ATXN8OS: variants seen among roughly 807,000 people sequenced by gnomAD.
ATXN8OS encodes the protein ATXN8 opposite strand (non-protein coding).
chr13:70,135,356 A>G (rs987121376), intron 3 of ATXN8OS, among the ~76,000 whole-genome samples: 2 of 151,766 alleles, frequency 1.3e-5, no homozygotes, highest in South Asian at 4.2e-4. Context: ...TCCTTATCCT[A>G]TTTCATTGAC....
chr13:70,160,670 G>A lies in ATXN8OS; in HGVS notation n.574-9083G>A, dbSNP rs1360277341. ...GTTTATACAAAACAAAATATTCTTG[G>A]TAGAGATGCCCCAGACAGCTGATTT... is the stretch of plus-strand genomic sequence containing the variant. On this transcript the variant is annotated intron_variant and non_coding_transcript_variant, in intron 4 of 4. Transcript: ENST00000678624. Among the ~76,000 whole-genome samples the A allele has an allele frequency of 1.7e-3, 24 of 14,274 alleles. 10 individuals are homozygous for A. Among genetic ancestry groups the A allele is most frequent in the Admixed American group, 0.011 (9 of 812 alleles). 9.4% of individuals were successfully genotyped at this position (14,274 alleles called of 152,430 possible). A position where few individuals can be genotyped will look rare whatever the true frequency, so the allele number is the denominator to read the frequency against.
intron 4 of ATXN8OS, among the ~76,000 whole-genome samples, chr13:70,153,459 T>C (rs932948225): frequency 6.6e-6 from 1 of 151,978 alleles, no homozygotes; most frequent in South Asian, 2.1e-4. Context: ...CCTGTGATCC[T>C]AGTTATTCAG....
chr13:70,155,320 A>G (rs1025494811), intron 4 of ATXN8OS, among the ~76,000 whole-genome samples: 2 of 152,114 alleles, frequency 1.3e-5, no homozygotes, highest in African/African-American at 4.8e-5. Flanking sequence ...ACCTGTAGCC[A>G]TTTTTTAAGG....
intron 2 of ATXN8OS, among the ~76,000 whole-genome samples, chr13:70,123,145 A>G (rs2088154335): frequency 6.6e-6 from 1 of 152,130 alleles, no homozygotes; most frequent in South Asian, 2.1e-4. Context: ...TAATAAGTAA[A>G]TTGCAAAACT....
intron 4 of ATXN8OS, among the ~76,000 whole-genome samples, chr13:70,164,789 TA>T (rs1889059727): frequency 6.6e-6 from 1 of 152,048 alleles, no homozygotes; most frequent in Non-Finnish European, 1.5e-5. Flanking sequence ...CTTCTGGCCT[TA>T]CCTCCTCACT....
At chr13:70,107,879 G>C (rs935425832) in exon 1 of ATXN8OS, 1 of 548,054 alleles carries the variant, frequency 1.8e-6, no homozygotes, top group Non-Finnish European at 3.1e-6. Flanking sequence ...GAGCGCAGAC[G>C]GCAAAGCCGC....
intron 4 of ATXN8OS, among the ~76,000 whole-genome samples, chr13:70,169,106 T>C (rs1030687936): frequency 6.6e-6 from 1 of 152,142 alleles, no homozygotes; most frequent in Non-Finnish European, 1.5e-5. Context: ...GATTATCATA[T>C]ACATAAGATA....
chr13:70,120,751 ATGAGT>A (rs1204621045), intron 2 of ATXN8OS, among the ~76,000 whole-genome samples: 1 of 152,142 alleles, frequency 6.6e-6, no homozygotes, highest in Non-Finnish European at 1.5e-5. Flanking sequence ...ATAAAAAATG[ATGAGT>A]TCATGTCCTT....
chr13:70,108,823 T>C (rs1888149798), intron 1 of ATXN8OS, among the ~76,000 whole-genome samples: 1 of 152,184 alleles, frequency 6.6e-6, no homozygotes, highest in African/African-American at 2.4e-5. Flanking sequence ...AGTTTCTCTG[T>C]AGTGAGACAC....
At chr13:70,157,617 T>C (rs1888954142) in intron 4 of ATXN8OS, among the ~76,000 whole-genome samples, 1 of 152,146 alleles carries the variant, frequency 6.6e-6, no homozygotes, top group Non-Finnish European at 1.5e-5. Flanking sequence ...TCAGCATTTC[T>C]GAGTGTGGAG....
intron 2 of ATXN8OS, among the ~76,000 whole-genome samples, chr13:70,126,610 T>C (rs746348251): frequency 8.0e-5 from 12 of 150,904 alleles, no homozygotes; most frequent in South Asian, 2.1e-4. Context: ...AGACATATTA[T>C]ATATATATAT....
chr13:70,163,116 T>C (rs1809755903), intron 4 of ATXN8OS, among the ~76,000 whole-genome samples: 1 of 152,094 alleles, frequency 6.6e-6, no homozygotes, highest in Non-Finnish European at 1.5e-5. Context: ...ATAATAACAA[T>C]AATAGTAATT....
At chr13:70,148,792 G>A (rs1888824116) in intron 4 of ATXN8OS, among the ~76,000 whole-genome samples, 1 of 151,930 alleles carries the variant, frequency 6.6e-6, no homozygotes, top group South Asian at 2.1e-4. Flanking sequence ...AAGAAAACAA[G>A]CAAATGAAAA....
intron 2 of ATXN8OS, among the ~76,000 whole-genome samples, chr13:70,128,858 CTT>C (rs34976551): frequency 0.53 from 78,089 of 147,092 alleles, 20,730 homozygotes; most frequent in African/African-American, 0.61. Flanking sequence ...ATCCCCCCAC[CTT>C]TTTTTTTTTT....
intron 4 of ATXN8OS, among the ~76,000 whole-genome samples, chr13:70,163,425 T>C (rs998744683): frequency 2.0e-5 from 3 of 152,088 alleles, no homozygotes; most frequent in East Asian, 1.9e-4. Context: ...CATGAGACTG[T>C]CACCATGTCA....
intron 3 of ATXN8OS, among the ~76,000 whole-genome samples, chr13:70,143,001 A>G (rs1242956888): frequency 6.6e-6 from 1 of 151,678 alleles, no homozygotes; most frequent in Non-Finnish European, 1.5e-5. Flanking sequence ...TGAACCCGGG[A>G]GGCAGAGGTT....
At chr13:70,123,414 A>T in intron 2 of ATXN8OS, among the ~76,000 whole-genome samples, 1 of 152,136 alleles carries the variant, frequency 6.6e-6, no homozygotes, top group East Asian at 1.9e-4. Context: ...AAATGTGAAG[A>T]ATGTTCAAAG....
At chr13:70,109,742 G>A (rs1215944120) in intron 1 of ATXN8OS, among the ~76,000 whole-genome samples, 2 of 152,070 alleles carry the variant, frequency 1.3e-5, no homozygotes, top group African/African-American at 4.8e-5. Flanking sequence ...CAACAATGGT[G>A]ACAGATCATT....
intron 2 of ATXN8OS, among the ~76,000 whole-genome samples, chr13:70,116,146 G>T (rs114805984): frequency 9.3e-6 from 1 of 107,956 alleles, no homozygotes; most frequent in African/African-American, 4.0e-5. Flanking sequence ...ATGGTGATGG[G>T]GGTGTATCAG....
Sources: gnomAD v4.1 joint callset for allele counts (sites outside exome capture counted in the v4.1 genomes callset) on GRCh38, gnomAD v4.1.1 for gene constraint, MANE v1.5 for transcripts, NCBI Gene and HGNC (gene_info 2026-07-23, HGNC 2026-07-21) for gene names.